The following HSPA4L variants were observed in gnomAD, a reference collection of about 807,000 sequenced individuals.
HSPA4L encodes the protein heat shock protein family A (Hsp70) member 4 like, also known as heat shock 70 kDa protein 4L.
HSPA4L carries 48 observed loss-of-function variants against 100.3 expected under a neutral mutation model. That is an observed-to-expected ratio of 0.48 (90% CI 0.38 to 0.61). HSPA4L has a LOEUF of 0.61. HSPA4L is among the 20% of genes least tolerant of loss of function. The pLI is 0.00. For missense variants in HSPA4L, 886 were observed against 988.6 expected, an observed-to-expected ratio of 0.90 and a Z score of 1.39; for synonymous variants, 319 against 328.2, an observed-to-expected ratio of 0.97 and a Z score of 0.30.
At chr4:127,801,272 A>G (rs756328368) in intron 5 of HSPA4L, 35 bp downstream of exon 5, 2 of 1,388,904 alleles carry the variant, frequency 1.4e-6, no homozygotes, top group East Asian at 2.3e-5. Flanking sequence ...CACTATAAGC[A>G]AAATACTGTT....
At chr4:127,819,886 G>A (rs958867902) in intron 13 of HSPA4L, among the ~76,000 whole-genome samples, 1 of 151,886 alleles carries the variant, frequency 6.6e-6, no homozygotes, top group African/African-American at 2.4e-5. Flanking sequence ...ATAGACATTT[G>A]GGTTATTTTC....
chr4:127,792,102 A>G (rs1173270062), intron 1 of HSPA4L, among the ~76,000 whole-genome samples: 1 of 152,140 alleles, frequency 6.6e-6, no homozygotes, highest in East Asian at 1.9e-4. Context: ...GCTCTGGAAT[A>G]TTGCCTCTCC....
At chr4:127,786,374 A>G (rs575493452) in intron 1 of HSPA4L, among the ~76,000 whole-genome samples, 4 of 152,354 alleles carry the variant, frequency 2.6e-5, no homozygotes, top group South Asian at 2.1e-4. Context: ...CAGTTATTGT[A>G]CAGGAAAGCA....
intron 12 of HSPA4L, 34 bp downstream of exon 12, chr4:127,811,670 T>C (rs1733535190): frequency 1.4e-6 from 2 of 1,437,582 alleles, no homozygotes; most frequent in South Asian, 2.4e-5. Context: ...GTTCTTGTAA[T>C]AGATAGTGTA....
chr4:127,819,602 AAAGAG>A (rs923922581), intron 13 of HSPA4L, among the ~76,000 whole-genome samples: 2 of 152,130 alleles, frequency 1.3e-5, no homozygotes, highest in Admixed American at 1.3e-4. Context: ...TCATCATCCC[AAAGAG>A]AAGCCTTGTT....
In HSPA4L at chr4:127,833,979, T is replaced by C. The variant is rs1734149306; in HGVS notation, c.*1105T>C. The C allele has an allele frequency of 6.6e-6, 1 of 152,180 alleles. No individual in the cohort carries two copies. Among genetic ancestry groups the C allele is most frequent in the Admixed American group, 6.5e-5 (1 of 15,284 alleles). The allele number at this position is 152,180 out of a possible 1,614,324, so 9.4% of individuals were successfully genotyped here. A position where few individuals can be genotyped will look rare whatever the true frequency, so the allele number is the denominator to read the frequency against. ...GTTACATAGTGTTGTGTGATTAAAT[T>C]ATAGTTCCTGCTGTTAACATTACCT... On this transcript the variant is annotated 3_prime_UTR_variant, in exon 19 of 19. Coordinates refer to ENST00000296464, the MANE Select transcript of HSPA4L (RefSeq NM_014278.4).
chr4:127,811,728 ACT>A (rs1214486979), intron 12 of HSPA4L, 92 bp downstream of exon 12: 19 of 916,364 alleles, frequency 2.1e-5, no homozygotes, highest in East Asian at 2.6e-5. Context: ...TGAATACATT[ACT>A]CTCTGAGGTT....
Position 127,818,883 on chromosome 4 carries a change from T to TAA in HSPA4L, c.1674+475_1674+476dup, listed in dbSNP as rs1046596410. Among the ~76,000 whole-genome samples the TAA allele has an allele frequency of 9.9e-5, 14 of 140,984 alleles. No homozygotes were observed. In the East Asian group the frequency reaches 2.2e-3, roughly 23 times the overall value. 92.5% of individuals were successfully genotyped at this position (140,984 alleles called of 152,430 possible). A position where few individuals can be genotyped will look rare whatever the true frequency, so the allele number is the denominator to read the frequency against. ...ACATGTGCCCTTGAACTTAAAAGTT[T>TAA]AAAAAAAAAAAAAGGAAATTTTATC... On this transcript the variant is annotated intron_variant, in intron 13 of 18. Coordinates refer to ENST00000296464, the MANE Select transcript of HSPA4L (RefSeq NM_014278.4).
At chr4:127,820,979 G>C (rs769833019) in intron 14 of HSPA4L, among the ~76,000 whole-genome samples, 2 of 151,906 alleles carry the variant, frequency 1.3e-5, no homozygotes, top group Non-Finnish European at 2.9e-5. Context: ...TGTCATTCTT[G>C]ACATTTTCTT....
intron 12 of HSPA4L, among the ~76,000 whole-genome samples, chr4:127,814,196 T>G (rs1463180875): frequency 1.3e-5 from 2 of 152,180 alleles, no homozygotes; most frequent in Admixed American, 1.3e-4. Context: ...GGCATCTGCT[T>G]TGGTTACTCA....
intron 1 of HSPA4L, 113 bp downstream of exon 1, chr4:127,782,770 C>A: frequency 3.9e-6 from 3 of 768,560 alleles, no homozygotes; most frequent in Non-Finnish European, 6.1e-6. Context: ...GTGCGCCGAA[C>A]CCCGAGATGA....
In HSPA4L at chr4:127,835,703, A is replaced by C. The variant is rs1030112394; in HGVS notation, c.*2829A>C. ...GGGCAACAGAACAAGACTCCGTCTC[A>C]AAAAAAAAACAAAAATTCTTCCAAA... On this transcript the variant is annotated 3_prime_UTR_variant, in exon 19 of 19. Transcript: ENST00000296464. The C allele has an allele frequency of 2.9e-5, 4 of 137,552 alleles. No homozygotes were observed. Among genetic ancestry groups the C allele is most frequent in the Admixed American group, 8.1e-5 (1 of 12,314 alleles). 8.5% of individuals were successfully genotyped at this position (137,552 alleles called of 1,614,324 possible). A position where few individuals can be genotyped will look rare whatever the true frequency, so the allele number is the denominator to read the frequency against.
chr4:127,811,728 ACTCT>A (rs1214486979), intron 12 of HSPA4L, 92 bp downstream of exon 12: 1 of 916,246 alleles, frequency 1.1e-6, no homozygotes, highest in African/African-American at 1.7e-5. Context: ...TGAATACATT[ACTCT>A]CTGAGGTTTT....
In HSPA4L at chr4:127,834,364, T is replaced by TA. The variant is rs1371888797; in HGVS notation, c.*1491dup. 6.6e-6 allele frequency: 1 copy of TA among 152,190 alleles called. No individual in the cohort carries two copies. Among genetic ancestry groups the TA allele is most frequent in the Admixed American group, 6.5e-5 (1 of 15,278 alleles). The allele number at this position is 152,190 out of a possible 1,614,324, so 9.4% of individuals were successfully genotyped here. A position where few individuals can be genotyped will look rare whatever the true frequency, so the allele number is the denominator to read the frequency against. On this transcript the variant is annotated 3_prime_UTR_variant, in exon 19 of 19. Transcript: ENST00000296464. ...GTAAAAATTGAGAGTACAATATCTT[T>TA]AGGGATAGTCATTATTTCTCACAAC...
chr4:127,813,674 G>A (rs11939192), intron 12 of HSPA4L, among the ~76,000 whole-genome samples: 2 of 152,040 alleles, frequency 1.3e-5, no homozygotes, highest in African/African-American at 4.8e-5. Context: ...AGACAGTCTC[G>A]CTCTGTTGCC....
At chr4:127,806,476 A>G (rs1306880568) in intron 10 of HSPA4L, among the ~76,000 whole-genome samples, 1 of 151,972 alleles carries the variant, frequency 6.6e-6, no homozygotes, top group Non-Finnish European at 1.5e-5. Context: ...CACTAAAAGG[A>G]TACTGGTTTA....
intron 1 of HSPA4L, among the ~76,000 whole-genome samples, chr4:127,784,641 G>A (rs1732662200): frequency 6.6e-6 from 1 of 152,220 alleles, no homozygotes; most frequent in Non-Finnish European, 1.5e-5. Flanking sequence ...TACCTCAGAA[G>A]TGTATCTTTT....
At position 127,839,791 on chromosome 4, in the gene HSPA4L, G is replaced by A. The variant is rs1446102881; in HGVS notation, c.*6917G>A. 2.6e-5 allele frequency: 4 copies of A among 151,988 alleles called. No individual in the cohort carries two copies. Among genetic ancestry groups the A allele is most frequent in the Admixed American group, 6.6e-5 (1 of 15,258 alleles). 9.4% of individuals were successfully genotyped at this position (151,988 alleles called of 1,614,324 possible). On this transcript the variant is annotated 3_prime_UTR_variant, in exon 19 of 19. Transcript: ENST00000296464. Reference sequence around the variant, plus strand: ...CTGAAATAAACTTTTATGATTTAATGTCTTGGAAAAAGACTCACATGAAAA... The same window carrying A: ...CTGAAATAAACTTTTATGATTTAATATCTTGGAAAAAGACTCACATGAAAA...
rs535566945 is a variant in HSPA4L, at chr4:127,821,855, TG to T, written c.1813-913del. On this transcript the variant is annotated intron_variant, in intron 14 of 18. Transcript: ENST00000296464. ...TAGGATAAGAAAACTTATGTTTAGA[TG>T]ATTTTCCTGCTATCTCAAGATAGTA... is the stretch of plus-strand genomic sequence containing the variant. Among the ~76,000 whole-genome samples, 15 of 152,314 alleles carry T rather than the reference TG, an allele frequency of 9.8e-5. No homozygotes were observed. In the South Asian group the frequency reaches 3.1e-3, roughly 32 times the overall value.
Sources: allele counts gnomAD v4.1 joint callset (sites outside exome capture counted in the v4.1 genomes callset), GRCh38; gene constraint gnomAD v4.1.1; transcripts MANE v1.5; gene names NCBI Gene and HGNC (gene_info 2026-07-23, HGNC 2026-07-21).